The following RBFOX1 variants were observed in gnomAD, a reference collection of about 807,000 sequenced individuals.
RBFOX1 encodes RNA binding protein fox-1 homolog 1.
RBFOX1 carries 8 observed loss-of-function variants against 57.7 expected under a neutral mutation model. The observed-to-expected ratio is 0.14, with a 90% CI of 0.08 to 0.25. The LOEUF (loss-of-function observed/expected upper bound fraction) is 0.25, where lower values mean the gene tolerates loss of function less well. Among genes scored for constraint, RBFOX1 ranks in the 10% least tolerant of loss-of-function variants. RBFOX1 has a pLI of 1.00. For missense variants in RBFOX1, 611 were observed against 548.5 expected (o/e 1.11, Z -1.14); for synonymous variants, 326 against 222.4 (o/e 1.47, Z -4.15).
chr16:5,262,899 A>C (rs2062769293), intron 1 of RBFOX1, among the ~76,000 whole-genome samples: 1 of 152,188 alleles, frequency 6.6e-6, no homozygotes, highest in Admixed American at 6.5e-5. Context: ...AACTCCACTG[A>C]AGGGGGCATC....
intron 3 of RBFOX1, among the ~76,000 whole-genome samples, chr16:6,879,501 T>A (rs1235750909): frequency 6.6e-6 from 1 of 152,210 alleles, no homozygotes; most frequent in East Asian, 1.9e-4. Context: ...TTAATTGCAA[T>A]TTACAAACTT....
intron 1 of RBFOX1, among the ~76,000 whole-genome samples, chr16:5,299,611 T>G (rs910134149): frequency 2.6e-5 from 4 of 152,228 alleles, no homozygotes; most frequent in Non-Finnish European, 5.9e-5. Flanking sequence ...TATTTTTGAT[T>G]ACAGCCATTT....
At chr16:6,043,120 GAAAAAAAAAA>G (rs570358262) in intron 1 of RBFOX1, among the ~76,000 whole-genome samples, 31 of 70,230 alleles carry the variant, frequency 4.4e-4, no homozygotes, top group African/African-American at 7.6e-4. Flanking sequence ...TGTGTTTCCA[GAAAAAAAAAA>G]AAAAAAAAAA....
intron 3 of RBFOX1, among the ~76,000 whole-genome samples, chr16:7,032,234 G>T (rs1236726780): frequency 6.6e-6 from 1 of 152,078 alleles, no homozygotes; most frequent in Non-Finnish European, 1.5e-5. Flanking sequence ...AGACCAGACT[G>T]ACCAACATGG....
chr16:6,647,758 T>C (rs936163533), intron 2 of RBFOX1, among the ~76,000 whole-genome samples: 2 of 152,198 alleles, frequency 1.3e-5, no homozygotes, highest in Non-Finnish European at 2.9e-5. Context: ...TTTTTAAAGA[T>C]GGGATCTTGC....
At chr16:6,116,925 T>C (rs911873255) in intron 1 of RBFOX1, among the ~76,000 whole-genome samples, 13 of 152,120 alleles carry the variant, frequency 8.5e-5, no homozygotes, top group Non-Finnish European at 1.2e-4. Context: ...AGAGAGATGC[T>C]GGAGGCTCTA....
At chr16:5,688,283 T>C (rs2050564493) in intron 3 of RBFOX1, among the ~76,000 whole-genome samples, 1 of 152,216 alleles carries the variant, frequency 6.6e-6, no homozygotes. Context: ...ATTTATTTTG[T>C]TAGTCAGAAA....
chr16:7,356,762 ACT>A (rs1442334507), intron 4 of RBFOX1, among the ~76,000 whole-genome samples: 3 of 152,132 alleles, frequency 2.0e-5, no homozygotes, highest in Non-Finnish European at 4.4e-5. Flanking sequence ...AAACAGGGAC[ACT>A]CTCACATGGC....
intron 5 of RBFOX1, among the ~76,000 whole-genome samples, chr16:7,569,214 G>C (rs571174330): frequency 4.6e-5 from 7 of 152,244 alleles, no homozygotes; most frequent in African/African-American, 1.7e-4. Context: ...CATACACCTA[G>C]TAACTTCCAC....
At chr16:6,619,148 A>T (rs537253018) in intron 2 of RBFOX1, among the ~76,000 whole-genome samples, 2 of 150,410 alleles carry the variant, frequency 1.3e-5, no homozygotes, top group South Asian at 2.1e-4. Flanking sequence ...CAGACCGCTG[A>T]CATGTTCCAG....
chr16:7,554,019 G>C (rs1372341094), intron 5 of RBFOX1, among the ~76,000 whole-genome samples: 1 of 152,116 alleles, frequency 6.6e-6, no homozygotes, highest in East Asian at 1.9e-4. Flanking sequence ...TGCAGTGAGG[G>C]GATCGCTTGA....
intron 3 of RBFOX1, among the ~76,000 whole-genome samples, chr16:6,963,209 T>C (rs569848846): frequency 6.6e-6 from 1 of 152,212 alleles, no homozygotes; most frequent in South Asian, 2.1e-4. Context: ...ATGCCATAAT[T>C]TTCTGTAAAG....
At chr16:5,806,306 G>C (rs1017264926) in intron 3 of RBFOX1, among the ~76,000 whole-genome samples, 1 of 152,192 alleles carries the variant, frequency 6.6e-6, no homozygotes, top group African/African-American at 2.4e-5. Context: ...AGATCAAGGT[G>C]TTGGCATTTG....
At chr16:7,520,675 C>T (rs937187248) in intron 5 of RBFOX1, among the ~76,000 whole-genome samples, 1 of 152,150 alleles carries the variant, frequency 6.6e-6, no homozygotes, top group African/African-American at 2.4e-5. Context: ...AGGCATGGGC[C>T]TTTTAAATGA....
intron 3 of RBFOX1, among the ~76,000 whole-genome samples, chr16:6,994,469 G>C (rs1362486435): frequency 7.2e-5 from 11 of 152,140 alleles, no homozygotes; most frequent in Admixed American, 7.2e-4. Context: ...GCCATGCTAA[G>C]AACTGTTAGG....
At chr16:5,642,495 G>C (rs1017805141) in intron 3 of RBFOX1, among the ~76,000 whole-genome samples, 1 of 152,138 alleles carries the variant, frequency 6.6e-6, no homozygotes, top group Non-Finnish European at 1.5e-5. Context: ...TGGGAACGTC[G>C]CTCTTAAATG....
At chr16:6,501,013 C>G (rs546146172) in intron 2 of RBFOX1, among the ~76,000 whole-genome samples, 2 of 151,722 alleles carry the variant, frequency 1.3e-5, no homozygotes, top group South Asian at 4.2e-4. Flanking sequence ...CCTCCCAGAG[C>G]TACTTCAGCA....
intron 1 of RBFOX1, among the ~76,000 whole-genome samples, chr16:5,301,208 C>G (rs572079671): frequency 3.3e-5 from 5 of 152,128 alleles, no homozygotes; most frequent in Non-Finnish European, 7.3e-5. Flanking sequence ...TAATGGAAGC[C>G]AGCTACCACC....
intron 4 of RBFOX1, among the ~76,000 whole-genome samples, chr16:5,953,506 C>G (rs1000361580): frequency 6.6e-6 from 1 of 151,962 alleles, no homozygotes; most frequent in Non-Finnish European, 1.5e-5. Context: ...ACCCTTTCCC[C>G]CCGAGTCCCC....
Sources: gnomAD v4.1 joint callset for allele counts (sites outside exome capture counted in the v4.1 genomes callset) on GRCh38, gnomAD v4.1.1 for gene constraint, MANE v1.5 for transcripts, NCBI Gene and HGNC (gene_info 2026-07-23, HGNC 2026-07-21) for gene names.